The following GRID2 variants were observed in gnomAD, a reference collection of about 807,000 sequenced individuals.
GRID2 encodes glutamate ionotropic receptor delta type subunit 2.
GRID2 carries 33 observed loss-of-function variants against 114.8 expected under a neutral mutation model. That is an observed-to-expected ratio of 0.29 (90% CI 0.22 to 0.38). GRID2 has a LOEUF of 0.38. GRID2 is among the 10% of genes least tolerant of loss of function. GRID2 has a pLI of 1.00. For missense variants in GRID2, 1,184 were observed against 1,257.7 expected, an observed-to-expected ratio of 0.94 and a Z score of 0.89; for synonymous variants, 505 against 449.9, an observed-to-expected ratio of 1.12 and a Z score of -1.55.
At chr4:93,155,871 A>G (rs1737136323) in intron 4 of GRID2, among the ~76,000 whole-genome samples, 1 of 151,808 alleles carries the variant, frequency 6.6e-6, no homozygotes, top group South Asian at 2.1e-4. Flanking sequence ...ATATAAAAAT[A>G]AAGTTAGATA....
chr4:93,322,616 C>T (rs1265973090), intron 8 of GRID2, among the ~76,000 whole-genome samples: 3 of 152,146 alleles, frequency 2.0e-5, no homozygotes, highest in East Asian at 1.9e-4. Context: ...CCTGAGGAAT[C>T]GCCACATTGT....
At chr4:92,608,450 A>C (rs1729567534) in intron 2 of GRID2, among the ~76,000 whole-genome samples, 1 of 151,878 alleles carries the variant, frequency 6.6e-6, no homozygotes, top group South Asian at 2.1e-4. Context: ...TGATATTTTA[A>C]AATAATTATT....
intron 2 of GRID2, among the ~76,000 whole-genome samples, chr4:92,671,558 C>G (rs1733072829): frequency 6.6e-6 from 1 of 152,030 alleles, no homozygotes; most frequent in South Asian, 2.1e-4. Context: ...AAGTTCCAAA[C>G]AGACAGTTTT....
At chr4:93,090,752 C>T (rs1329180129) in intron 3 of GRID2, among the ~76,000 whole-genome samples, 1 of 152,100 alleles carries the variant, frequency 6.6e-6, no homozygotes, top group Non-Finnish European at 1.5e-5. Flanking sequence ...TGGTAATCTT[C>T]ATACAAAAGT....
chr4:92,397,275 A>G (rs1370122111), intron 1 of GRID2, among the ~76,000 whole-genome samples: 1 of 151,718 alleles, frequency 6.6e-6, no homozygotes, highest in Non-Finnish European at 1.5e-5. Flanking sequence ...TCTCTCTGTT[A>G]TTAACTATAT....
intron 2 of GRID2, among the ~76,000 whole-genome samples, chr4:92,709,618 A>G: frequency 6.8e-6 from 1 of 146,366 alleles, no homozygotes; most frequent in East Asian, 2.0e-4. Context: ...ATGTAATTTG[A>G]TCATTCTCCA....
intron 13 of GRID2, among the ~76,000 whole-genome samples, chr4:93,611,930 T>C (rs1474953478): frequency 1.3e-5 from 2 of 149,064 alleles, no homozygotes; most frequent in African/African-American, 4.9e-5. Context: ...AAGTCTCCCA[T>C]TATTAATGTG....
At chr4:92,880,638 T>C (rs182909699) in intron 2 of GRID2, among the ~76,000 whole-genome samples, 28 of 152,300 alleles carry the variant, frequency 1.8e-4, no homozygotes, top group Non-Finnish European at 3.5e-4. Flanking sequence ...TATCTATATA[T>C]TCTAGAGGGA....
At chr4:92,725,077 GATCACTT>G (rs902089553) in intron 2 of GRID2, among the ~76,000 whole-genome samples, 11 of 152,036 alleles carry the variant, frequency 7.2e-5, no homozygotes, top group African/African-American at 2.7e-4. Context: ...GAGAGGGGTG[GATCACTT>G]GAGGCTGGGA....
At chr4:92,741,809 C>A (rs772887323) in intron 2 of GRID2, among the ~76,000 whole-genome samples, 115 of 152,254 alleles carry the variant, frequency 7.6e-4, no homozygotes, top group Non-Finnish European at 1.4e-3. Context: ...AAGCAAAGAA[C>A]AGGAACATTT....
intron 8 of GRID2, among the ~76,000 whole-genome samples, chr4:93,260,983 C>A (rs1750189921): frequency 6.6e-6 from 1 of 151,810 alleles, no homozygotes; most frequent in Non-Finnish European, 1.5e-5. Flanking sequence ...TGGCCTATGG[C>A]ATTCATTCTT....
intron 8 of GRID2, among the ~76,000 whole-genome samples, chr4:93,389,651 T>TA (rs1449519575): frequency 6.6e-6 from 1 of 152,122 alleles, no homozygotes; most frequent in African/African-American, 2.4e-5. Flanking sequence ...ATATTTATTA[T>TA]AAAAAATAGT....
At chr4:92,863,610 C>G (rs1744671763) in intron 2 of GRID2, among the ~76,000 whole-genome samples, 1 of 152,102 alleles carries the variant, frequency 6.6e-6, no homozygotes, top group Non-Finnish European at 1.5e-5. Context: ...GTGAAGCTTT[C>G]TCTATGTAGT....
chr4:92,481,938 T>A (rs1722614591), intron 1 of GRID2, among the ~76,000 whole-genome samples: 1 of 128,822 alleles, frequency 7.8e-6, no homozygotes, highest in African/African-American at 2.7e-5. Context: ...AGACATGGAA[T>A]CTATCCATAT....
intron 2 of GRID2, among the ~76,000 whole-genome samples, chr4:92,920,957 C>T (rs942606528): frequency 6.6e-6 from 1 of 152,112 alleles, no homozygotes; most frequent in Non-Finnish European, 1.5e-5. Context: ...CAACTTGGTT[C>T]CATTCTCCCA....
chr4:93,683,239 GATCTCAAGTTAC>G (rs1348885391), intron 14 of GRID2, among the ~76,000 whole-genome samples: 1 of 151,952 alleles, frequency 6.6e-6, no homozygotes, highest in African/African-American at 2.4e-5. Context: ...ACCCTGCTCA[GATCTCAAGTTAC>G]ATCACAAGAG....
At chr4:92,580,890 G>GTTT (rs1553903037) in intron 1 of GRID2, among the ~76,000 whole-genome samples, 1 of 113,210 alleles carries the variant, frequency 8.8e-6, no homozygotes, top group Non-Finnish European at 1.9e-5. Context: ...TTGCCTATTT[G>GTTT]TTTTTTTTTT....
chr4:93,188,591 A>G (rs918608768), intron 4 of GRID2, among the ~76,000 whole-genome samples: 6 of 152,180 alleles, frequency 3.9e-5, no homozygotes, highest in African/African-American at 1.4e-4. Flanking sequence ...AAATACAAAC[A>G]GTGGAATGGT....
At chr4:92,865,513 G>T (rs1164381388) in intron 2 of GRID2, among the ~76,000 whole-genome samples, 1 of 152,130 alleles carries the variant, frequency 6.6e-6, no homozygotes. Flanking sequence ...TCTATAACTT[G>T]CCTAATCTAT....
Sources: allele counts gnomAD v4.1 joint callset (sites outside exome capture counted in the v4.1 genomes callset), GRCh38; gene constraint gnomAD v4.1.1; transcripts MANE v1.5; gene names NCBI Gene and HGNC (gene_info 2026-07-23, HGNC 2026-07-21).